The following SAMD3 variants were observed in gnomAD, a reference collection of about 807,000 sequenced individuals.
The protein encoded by SAMD3 is sterile alpha motif domain containing 3, also known as sterile alpha motif domain-containing protein 3.
In SAMD3, 63 loss-of-function variants were observed where a neutral mutation model predicts 58.5. That is an observed-to-expected ratio of 1.08 (90% CI 0.88 to 1.33). SAMD3 has a LOEUF of 1.33. SAMD3 is among the 40% of genes most tolerant of loss of function. The pLI is 0.00. For missense variants in SAMD3, 604 were observed against 608.4 expected, an observed-to-expected ratio of 0.99 and a Z score of 0.08; for synonymous variants, 220 against 210.3, an observed-to-expected ratio of 1.05 and a Z score of -0.40.
At chr6:130,305,593 T>C (rs62433911) in intron 2 of SAMD3, among the ~76,000 whole-genome samples, 25,634 of 152,126 alleles carry the variant, frequency 0.17, 2,420 homozygotes, top group East Asian at 0.36. Context: ...ACCAGTTAGA[T>C]AAGAATTTTA....
At chr6:130,286,027 T>C (rs1387766448) in intron 2 of SAMD3, 1 of 152,262 alleles carries the variant, frequency 6.6e-6, no homozygotes, top group East Asian at 1.9e-4. Flanking sequence ...TATTTTATTT[T>C]ATTTGAACCT....
intron 1 of SAMD3, among the ~76,000 whole-genome samples, chr6:130,348,069 T>C (rs1777511898): frequency 6.6e-6 from 1 of 152,120 alleles, no homozygotes; most frequent in Admixed American, 6.5e-5. Flanking sequence ...CAAGAGCTCC[T>C]GAAGGAAGCA....
At chr6:130,223,379 G>T (rs138682736), upstream of SAMD3, among the ~76,000 whole-genome samples, 1 of 152,208 alleles carries the variant, frequency 6.6e-6, no homozygotes, top group Admixed American at 6.5e-5. Flanking sequence ...ACATAGCTCA[G>T]TGTGTACGTG....
At chr6:130,221,588 A>G (rs1796228828) in intron 1 of SAMD3, 1 of 152,194 alleles carries the variant, frequency 6.6e-6, no homozygotes, top group Non-Finnish European at 1.5e-5. Context: ...AGGAAAGAAA[A>G]TGTTATTAAG....
intron 5 of SAMD3, among the ~76,000 whole-genome samples, chr6:130,187,683 G>A (rs1326566219): frequency 1.3e-5 from 2 of 152,112 alleles, no homozygotes; most frequent in Non-Finnish European, 2.9e-5. Flanking sequence ...TTTACTGTGA[G>A]GTTAAGATTA....
At chr6:130,154,707 AAAAAAAAAAAAAT>A (rs1398968131) in intron 9 of SAMD3, 105 bp downstream of exon 9, 10 of 139,264 alleles carry the variant, frequency 7.2e-5, no homozygotes, top group African/African-American at 1.1e-4. Context: ...AAAAAAAAAA[AAAAAAAAAAAAAT>A]ATATATATAT....
At position 130,185,308 on chromosome 6, in the gene SAMD3, A is replaced by G. The variant is rs945523109; in HGVS notation, c.384-685T>C. Among the ~76,000 whole-genome samples the G allele has an allele frequency of 5.3e-5, 8 of 152,140 alleles. No homozygotes were observed. The East Asian group carries it at 1.5e-3, about 29-fold the overall frequency. ...TAAAGCTGCTAAAATTAACTGAGCT[A>G]TTCACTTTTTTATTTTTTATTTTAT... On this transcript the variant is annotated intron_variant, in intron 5 of 11. Coordinates refer to ENST00000439090, the MANE Select transcript of SAMD3 (RefSeq NM_001017373.4).
downstream of SAMD3, chr6:130,143,010 T>A (rs1788353582): frequency 6.6e-6 from 1 of 152,230 alleles, no homozygotes; most frequent in South Asian, 2.1e-4. Context: ...TGTTACTTAC[T>A]CTGCCTGTGT....
intron 4 of SAMD3, among the ~76,000 whole-genome samples, chr6:130,211,648 T>C (rs1464782424): frequency 2.0e-5 from 3 of 152,062 alleles, no homozygotes; most frequent in Non-Finnish European, 4.4e-5. Context: ...TGTCCTGCCC[T>C]TCCAGTTCAA....
intron 2 of SAMD3, among the ~76,000 whole-genome samples, chr6:130,286,830 G>A (rs1303072843): frequency 1.3e-5 from 2 of 152,136 alleles, no homozygotes; most frequent in Non-Finnish European, 2.9e-5. Flanking sequence ...TCCTGCCTCA[G>A]CCTCCTGAGT....
chr6:130,207,159 C>CAAAAAAAAAAAAAAAAAAAAAA (rs376844642), intron 5 of SAMD3, among the ~76,000 whole-genome samples: 5 of 52,708 alleles, frequency 9.5e-5, no homozygotes, highest in Middle Eastern at 0.01. Context: ...CCCATCTCAT[C>CAAAAAAAAAAAAAAAAAAAAAA]AAAAAAAAAA....
chr6:130,230,674 C>T (rs1582982088), intron 2 of SAMD3, among the ~76,000 whole-genome samples: 1 of 152,220 alleles, frequency 6.6e-6, no homozygotes, highest in East Asian at 1.9e-4. Flanking sequence ...AGGCATGAGC[C>T]ACCATGCCCG....
intron 8 of SAMD3, chr6:130,161,202 T>C (rs1490549448): frequency 1.3e-5 from 2 of 152,168 alleles, no homozygotes; most frequent in Admixed American, 1.3e-4. Context: ...GAGTTAACAG[T>C]GTTTATTTTG....
chr6:130,259,058 G>A (rs1205214046), intron 2 of SAMD3, among the ~76,000 whole-genome samples: 2 of 152,100 alleles, frequency 1.3e-5, no homozygotes, highest in Non-Finnish European at 2.9e-5. Context: ...GCCCATACAG[G>A]TTGGTTATAG....
intron 2 of SAMD3, among the ~76,000 whole-genome samples, chr6:130,267,974 G>A (rs1774421926): frequency 6.6e-6 from 1 of 152,112 alleles, no homozygotes; most frequent in African/African-American, 2.4e-5. Context: ...TGCTACAAAA[G>A]CATGGTGGTC....
At chr6:130,282,690 G>A (rs992847633) in intron 2 of SAMD3, among the ~76,000 whole-genome samples, 6 of 152,094 alleles carry the variant, frequency 3.9e-5, no homozygotes, top group Non-Finnish European at 8.8e-5. Context: ...AGACAAGGAC[G>A]CTAAAAGTAA....
rs960146142 is a variant in SAMD3, at chr6:130,189,359, G to C, written c.384-4736C>G. On this transcript the variant is annotated intron_variant, in intron 5 of 11. Coordinates refer to ENST00000439090, the MANE Select transcript of SAMD3 (RefSeq NM_001017373.4). ...TAGCCATCTGCAAGTGAAAAAGAGG[G>C]TCCTCAACAGAAATGGAAGAGGTCA... Among the ~76,000 whole-genome samples, 6 of 152,206 alleles carry C rather than the reference G, an allele frequency of 3.9e-5. 1 individual carries two copies. The highest frequency in any genetic ancestry group is 4.1e-4 in the South Asian group (2 of 4,824).
At chr6:130,261,525 T>G (rs1774138935) in intron 2 of SAMD3, among the ~76,000 whole-genome samples, 1 of 152,202 alleles carries the variant, frequency 6.6e-6, no homozygotes, top group South Asian at 2.1e-4. Context: ...GGTTTTGATT[T>G]TGATTTGGTG....
rs1346477855 is a variant in SAMD3, at chr6:130,180,952, TC to T, written c.654+3150del. ...CTTTTCTTTTTTCTTTTTCTTTCTT[TC>T]TTTTTTCTTTTGAGACGGAGTTCCG... On this transcript the variant is annotated intron_variant, in intron 7 of 11. Transcript: ENST00000439090. 4.0e-3 allele frequency among the ~76,000 whole-genome samples: 185 copies of T among 46,112 alleles called. 1 individual carries two copies. Among genetic ancestry groups the T allele is most frequent in the Non-Finnish European group, 9.3e-3 (155 of 16,634 alleles). The allele number at this position is 46,112 out of a possible 152,430, so 30.3% of individuals were successfully genotyped here. A position where few individuals can be genotyped will look rare whatever the true frequency, so the allele number is the denominator to read the frequency against.
Sources: gnomAD v4.1 joint callset for allele counts (sites outside exome capture counted in the v4.1 genomes callset) on GRCh38, gnomAD v4.1.1 for gene constraint, MANE v1.5 for transcripts, NCBI Gene and HGNC (gene_info 2026-07-23, HGNC 2026-07-21) for gene names.